The following NOS1AP variants were observed in gnomAD, a reference collection of about 807,000 sequenced individuals.
NOS1AP encodes the protein nitric oxide synthase 1 adaptor protein.
NOS1AP carries 21 observed loss-of-function variants against 56.2 expected under a neutral mutation model. That is an observed-to-expected ratio of 0.37 (90% CI 0.26 to 0.54). The LOEUF is 0.54. Among genes scored for constraint, NOS1AP ranks in the 20% least tolerant of loss-of-function variants. The pLI, the probability that NOS1AP is intolerant of heterozygous loss-of-function variation, is 0.84. For missense variants in NOS1AP, 522 were observed against 657.8 expected, an observed-to-expected ratio of 0.79 and a Z score of 2.26; for synonymous variants, 270 against 274.6, an observed-to-expected ratio of 0.98 and a Z score of 0.17.
At chr1:162,195,728 T>G (rs1651784656) in intron 2 of NOS1AP, among the ~76,000 whole-genome samples, 1 of 152,202 alleles carries the variant, frequency 6.6e-6, no homozygotes, top group Non-Finnish European at 1.5e-5. Context: ...TTTTTTTCAC[T>G]TCTTGTGTTC....
At chr1:162,272,153 G>T (rs1000637987) in intron 2 of NOS1AP, among the ~76,000 whole-genome samples, 1 of 152,110 alleles carries the variant, frequency 6.6e-6, no homozygotes, top group Non-Finnish European at 1.5e-5. Context: ...CTCCTGGCAA[G>T]TACTGTTTTT....
In NOS1AP at chr1:162,070,198, C is replaced by T. The variant is rs567404645; in HGVS notation, c.21C>T (p.Tyr7=). Residue 7 remains tyrosine (Y), a synonymous_variant, in exon 1 of 10, where the codon TAC becomes TAT. Transcript: ENST00000361897. ...TAACCATGCCTAGCAAAACCAAGTA[C>T]AACCTTGTGGACGATGGGCACGACC... MPSKTK[Y]NLVDDGHDLR... is the part of the protein sequence containing the mutation. 6.2e-7 allele frequency: 1 copy of T among 1,614,034 alleles called. No individual in the cohort carries two copies. Among genetic ancestry groups the T allele is most frequent in the East Asian group, 2.2e-5 (1 of 44,874 alleles).
chr1:162,113,316 A>G (rs4256791), intron 1 of NOS1AP, among the ~76,000 whole-genome samples: 4,644 of 152,224 alleles, frequency 0.031, 227 homozygotes, highest in African/African-American at 0.1. Flanking sequence ...TAGGACGTCC[A>G]CACCTCAAGC....
At chr1:162,270,270 G>C (rs910894167) in intron 2 of NOS1AP, among the ~76,000 whole-genome samples, 2 of 152,148 alleles carry the variant, frequency 1.3e-5, no homozygotes, top group African/African-American at 4.8e-5. Flanking sequence ...AGCAGGCAGA[G>C]CTATCTTTTA....
At chr1:162,360,737 C>T (rs533423999) in intron 8 of NOS1AP, 9 of 449,664 alleles carry the variant, frequency 2.0e-5, no homozygotes, top group Non-Finnish European at 3.1e-5. Flanking sequence ...GTCCCCAGCA[C>T]GCTGGCATGC....
intron 2 of NOS1AP, among the ~76,000 whole-genome samples, chr1:162,225,390 A>T (rs1206681262): frequency 6.6e-6 from 1 of 152,078 alleles, no homozygotes; most frequent in Non-Finnish European, 1.5e-5. Flanking sequence ...CTCCAGCCCC[A>T]CTGTATCTCT....
intron 2 of NOS1AP, among the ~76,000 whole-genome samples, chr1:162,199,626 G>C (rs972246609): frequency 4.2e-4 from 61 of 145,186 alleles, no homozygotes; most frequent in Non-Finnish European, 7.4e-4. Flanking sequence ...GTGTGTGTGT[G>C]TGTGTGTGTG....
chr1:162,181,154 G>C (rs147376964), intron 2 of NOS1AP, among the ~76,000 whole-genome samples: 1 of 152,324 alleles, frequency 6.6e-6, no homozygotes, highest in East Asian at 1.9e-4. Context: ...ACAGACAAAA[G>C]AGGACTGGGC....
chr1:162,161,529 C>T (rs1414817688), intron 2 of NOS1AP, among the ~76,000 whole-genome samples: 5 of 152,178 alleles, frequency 3.3e-5, no homozygotes, highest in African/African-American at 7.2e-5. Flanking sequence ...TACATGAATG[C>T]ATGCAGCATA....
intron 2 of NOS1AP, among the ~76,000 whole-genome samples, chr1:162,266,646 G>T (rs1432621233): frequency 6.6e-6 from 1 of 151,950 alleles, no homozygotes; most frequent in East Asian, 1.9e-4. Flanking sequence ...GGTTCCTTTT[G>T]GTGTTATTGT....
chr1:162,107,549 G>A (rs771362820), intron 1 of NOS1AP, among the ~76,000 whole-genome samples: 2 of 151,972 alleles, frequency 1.3e-5, no homozygotes, highest in East Asian at 1.9e-4. Context: ...TTGTTATGGT[G>A]CCCAGGCTGG....
chr1:162,280,039 T>C (rs187979710), intron 2 of NOS1AP, among the ~76,000 whole-genome samples: 31 of 152,282 alleles, frequency 2.0e-4, no homozygotes, highest in African/African-American at 6.0e-4. Flanking sequence ...TCAGGCTGGG[T>C]GCAGTGGCTA....
intron 1 of NOS1AP, among the ~76,000 whole-genome samples, chr1:162,114,597 C>T (rs1011317246): frequency 2.6e-5 from 4 of 152,150 alleles, no homozygotes; most frequent in African/African-American, 9.7e-5. Flanking sequence ...AATATCATCA[C>T]ATCTGATAAT....
At chr1:162,191,169 G>A (rs1651628777) in intron 2 of NOS1AP, among the ~76,000 whole-genome samples, 1 of 152,124 alleles carries the variant, frequency 6.6e-6, no homozygotes, top group South Asian at 2.1e-4. Flanking sequence ...CAGCTCTTCT[G>A]TTGGCCTCAC....
At position 162,280,346 on chromosome 1, in the gene NOS1AP, T is replaced by A. The variant is rs139048415; in HGVS notation, c.178-6998T>A. On this transcript the variant is annotated intron_variant, in intron 2 of 9. Coordinates refer to ENST00000361897, the MANE Select transcript of NOS1AP (RefSeq NM_014697.3). ...GAATCTATCTTGTTACAAGAATAGC[T>A]ATACTTAAAAAATAGTACATATATG... Among the ~76,000 whole-genome samples the A allele has an allele frequency of 6.6e-5, 10 of 152,358 alleles. No individual in the cohort carries two copies. The East Asian group carries it at 1.7e-3, about 26-fold the overall frequency.
Position 162,368,820 on chromosome 1 carries a change from C to A in NOS1AP, c.*1353C>A, listed in dbSNP as rs548695721. 1 of 151,606 alleles carries A rather than the reference C, an allele frequency of 6.6e-6. No individual in the cohort carries two copies. The highest frequency in any genetic ancestry group is 2.4e-5 in the African/African-American group (1 of 40,900). 9.4% of individuals were successfully genotyped at this position (151,606 alleles called of 1,614,324 possible). On this transcript the variant is annotated 3_prime_UTR_variant, in exon 10 of 10. Transcript: ENST00000361897. ...CGGGGAATTAAGTCTTTATCCTAGA[C>A]AACAAGGTACAGATGCAAACTGCAG... is the stretch of plus-strand genomic sequence containing the variant.
intron 2 of NOS1AP, among the ~76,000 whole-genome samples, chr1:162,282,656 CA>C (rs1429914658): frequency 1.3e-5 from 2 of 152,198 alleles, no homozygotes; most frequent in African/African-American, 4.8e-5. Flanking sequence ...GAGATCTGCT[CA>C]CACTCCTGAA....
chr1:162,095,355 T>C (rs1352245632), intron 1 of NOS1AP, among the ~76,000 whole-genome samples: 1 of 152,166 alleles, frequency 6.6e-6, no homozygotes, highest in African/African-American at 2.4e-5. Flanking sequence ...GGAAGGTCTG[T>C]CTGCAAACCA....
rs182552951 is a variant in NOS1AP at position 162,369,648 on chromosome 1, A to G, written c.*2181A>G. ...GGAAATGGAGAAATTAAAGAATTGG[A>G]GAAACTAGTTATCTGTGTTGCTGAC... On this transcript the variant is annotated 3_prime_UTR_variant, in exon 10 of 10. Coordinates refer to ENST00000361897, the MANE Select transcript of NOS1AP (RefSeq NM_014697.3). The G allele has an allele frequency of 6.6e-6, 1 of 152,346 alleles. No individual in the cohort carries two copies. Among genetic ancestry groups the G allele is most frequent in the African/African-American group, 2.4e-5 (1 of 41,568 alleles). The allele number at this position is 152,346 out of a possible 1,614,324, so 9.4% of individuals were successfully genotyped here. A position where few individuals can be genotyped will look rare whatever the true frequency, so the allele number is the denominator to read the frequency against.
Sources: allele counts gnomAD v4.1 joint callset (sites outside exome capture counted in the v4.1 genomes callset), GRCh38; gene constraint gnomAD v4.1.1; transcripts MANE v1.5; gene names NCBI Gene and HGNC (gene_info 2026-07-23, HGNC 2026-07-21).